EIF4ENIF1: variants seen among roughly 807,000 people sequenced by gnomAD.
EIF4ENIF1 encodes eukaryotic translation initiation factor 4E nuclear import factor 1.
In EIF4ENIF1, 23 loss-of-function variants were observed where a neutral mutation model predicts 110.5. That is an observed-to-expected ratio of 0.21 (90% CI 0.15 to 0.29). The LOEUF (loss-of-function observed/expected upper bound fraction) is 0.29, where lower values mean the gene tolerates loss of function less well. Ranked by LOEUF, EIF4ENIF1 falls within the 10% of genes least tolerant of loss-of-function variation. The pLI is 1.00. For synonymous variants in EIF4ENIF1, 440 were observed against 437.0 expected (o/e 1.01, Z -0.09); for missense variants, 1,031 against 1,221.1 (o/e 0.84, Z 2.32).
chr22:31,443,418 T>TTCTGCGAAA, intron 15 of EIF4ENIF1: 1 of 57,098 alleles, frequency 1.8e-5, no homozygotes, highest in Non-Finnish European at 3.0e-5. Context: ...CAGACCTTCC[T>TTCTGCGAAA]TGACATTTCA....
chr22:31,470,280 T>A (rs1393540049), intron 3 of EIF4ENIF1, among the ~76,000 whole-genome samples: 1 of 151,164 alleles, frequency 6.6e-6, no homozygotes, highest in Non-Finnish European at 1.5e-5. Flanking sequence ...TTTTTTGTTG[T>A]TGTTGTTTTG....
At chr22:31,490,305 C>T (rs568019980), upstream of EIF4ENIF1, among the ~76,000 whole-genome samples, 88 of 152,346 alleles carry the variant, frequency 5.8e-4, 1 homozygote, top group South Asian at 0.017. Flanking sequence ...CGTGGGGCTT[C>T]GGCAGTGGGA....
Position 31,482,723 on chromosome 22 carries a change from G to A in EIF4ENIF1, c.96+5900C>T, listed in dbSNP as rs147861303. 9.8e-3 allele frequency among the ~76,000 whole-genome samples: 1,475 copies of A among 150,560 alleles called. 7 individuals carry two copies. The highest frequency in any genetic ancestry group is 0.033 in the Middle Eastern group (9 of 276). On this transcript the variant is annotated intron_variant, in intron 2 of 18. Transcript: ENST00000330125. ...AAACAGATTAGTCTATTCACTTGACGAAAATAACATGGATGTGAGGCCAGG... is the reference window on the plus strand; with the variant it reads ...AAACAGATTAGTCTATTCACTTGACAAAAATAACATGGATGTGAGGCCAGG...
intron 4 of EIF4ENIF1, 74 bp downstream of exon 4, chr22:31,468,101 C>T: frequency 6.4e-7 from 1 of 1,566,310 alleles, no homozygotes; most frequent in East Asian, 2.3e-5. Context: ...ATTCTCAGAG[C>T]TAAGAATGAA....
In EIF4ENIF1 at chr22:31,455,123, C is replaced by T; in HGVS notation, c.1279+13G>A. 2 of 1,601,164 alleles carry T rather than the reference C, an allele frequency of 1.2e-6. No individual in the cohort carries two copies. Reference sequence around the variant, plus strand: ...TTTTCAGATATCTAAAACAGATATTCATAAACACTTACAGCTTTCTTTAAG... The same window carrying T: ...TTTTCAGATATCTAAAACAGATATTTATAAACACTTACAGCTTTCTTTAAG... On this transcript the variant is annotated intron_variant, in intron 9 of 18. Coordinates refer to ENST00000330125, the MANE Select transcript of EIF4ENIF1 (RefSeq NM_019843.4).
chr22:31,452,178 A>G (rs1018868814), intron 10 of EIF4ENIF1, among the ~76,000 whole-genome samples: 2 of 152,228 alleles, frequency 1.3e-5, no homozygotes, highest in African/African-American at 4.8e-5. Context: ...GACAACCTAA[A>G]TGGATGGAGG....
At position 31,443,003 on chromosome 22, in the gene EIF4ENIF1, G is replaced by A; in HGVS notation, c.2165C>T (p.Ala722Val). 6.2e-7 allele frequency: 1 copy of A among 1,614,120 alleles called. No individual in the cohort carries two copies. Among genetic ancestry groups the A allele is most frequent in the Non-Finnish European group, 8.5e-7 (1 of 1,179,996 alleles). The change falls in exon 16 of 19, where the codon GCT (alanine) becomes GTT (valine). Residue 722 changes from alanine (A) to valine (V), a missense_variant. Physicochemically the swap from Ala to Val is moderately conservative, Grantham distance 64. Around this residue, in one of 3 missense-constraint regions of EIF4ENIF1, gnomAD observed 309 missense variants for 299.1 expected, o/e 1.03. Coordinates refer to ENST00000330125, the MANE Select transcript of EIF4ENIF1 (RefSeq NM_019843.4). ...SKEEPASGKAALGDSKEDTQK... is the reference protein window; with the variant it reads ...SKEEPASGKAVLGDSKEDTQK... ...AGTATCCTCTTTACTGTCACCAAGA[G>A]CTGCTTTTCCAGATGCTGGCTCCTC...
In EIF4ENIF1 at chr22:31,458,652, T is replaced by G. The variant is rs759003351; in HGVS notation, c.788-2A>C. The G allele has an allele frequency of 6.4e-6, 10 of 1,570,692 alleles. No homozygotes were observed. In the African/African-American group the frequency reaches 1.4e-4, roughly 21 times the overall value. ...CTCCTCCATTGCACTCTACTATACC[T>G]GAAAGCAAAACCAGGACAAAAACCG... is the stretch of plus-strand genomic sequence containing the variant. On this transcript the variant is annotated splice_acceptor_variant, in intron 6 of 18. Coordinates refer to ENST00000330125, the MANE Select transcript of EIF4ENIF1 (RefSeq NM_019843.4). LOFTEE classifies it high-confidence loss of function.
At chr22:31,487,645 C>T (rs1314415381) in intron 2 of EIF4ENIF1, among the ~76,000 whole-genome samples, 1 of 151,996 alleles carries the variant, frequency 6.6e-6, no homozygotes, top group Non-Finnish European at 1.5e-5. Flanking sequence ...CAAAAATTAG[C>T]CGAGCGTACT....
intron 17 of EIF4ENIF1, 124 bp downstream of exon 17, chr22:31,441,650 A>T: frequency 1.2e-6 from 1 of 833,320 alleles, no homozygotes; most frequent in Middle Eastern, 3.3e-4. Context: ...TGCCAGTTAG[A>T]TGGGAGAATC....
rs764233977 is a variant in EIF4ENIF1, at chr22:31,440,852, C to G, written c.2568G>C (p.Gly856=). Residue 856 remains glycine (G), a synonymous_variant, in exon 18 of 19, where the codon GGG becomes GGC. Coordinates refer to ENST00000330125, the MANE Select transcript of EIF4ENIF1 (RefSeq NM_019843.4). Reference sequence around the variant, plus strand: ...TTCCCTGTAAATGACTCAAGTCCATCCCAGGAGGAAGCACACCTGTTGAGC... The same window carrying G: ...TTCCCTGTAAATGACTCAAGTCCATGCCAGGAGGAAGCACACCTGTTGAGC... ...SLLQTGVLPP[G]MDLSHLQGIS... is the part of the protein sequence containing the mutation. 37 of 1,613,868 alleles carry G rather than the reference C, an allele frequency of 2.3e-5. No individual in the cohort carries two copies. Among genetic ancestry groups the G allele is most frequent in the Non-Finnish European group, 2.7e-5 (32 of 1,179,882 alleles).
intron 1 of EIF4ENIF1, 74 bp from the exon 2 acceptor site, chr22:31,488,819 G>A (rs1050765720): frequency 2.9e-4 from 429 of 1,484,720 alleles, no homozygotes; most frequent in Non-Finnish European, 3.5e-4. Flanking sequence ...TTCTTCAGAA[G>A]CTGAAACTTT....
chr22:31,454,956 G>GT (rs2145948533), intron 9 of EIF4ENIF1, among the ~76,000 whole-genome samples, 180 bp downstream of exon 9: 1 of 152,264 alleles, frequency 6.6e-6, no homozygotes, highest in South Asian at 2.1e-4. Context: ...ATGACCCACT[G>GT]TGAGATTCTC....
At chr22:31,440,662 CT>C (rs756331063) in intron 18 of EIF4ENIF1, 41 bp downstream of exon 18, 1 of 1,596,386 alleles carries the variant, frequency 6.3e-7, no homozygotes, top group South Asian at 1.1e-5. Context: ...TCAAGACTCC[CT>C]AAGTCCGTCC....
At chr22:31,482,500 G>C (rs989397292) in intron 2 of EIF4ENIF1, among the ~76,000 whole-genome samples, 1 of 152,098 alleles carries the variant, frequency 6.6e-6, no homozygotes, top group South Asian at 2.1e-4. Flanking sequence ...TTACCAATAT[G>C]GTGAAACCCC....
At position 31,458,495 on chromosome 22, in the gene EIF4ENIF1, T is replaced by C; in HGVS notation, c.943A>G (p.Lys315Glu). The change falls in exon 7 of 19, where the codon AAG becomes GAG. Residue 315 changes from lysine (K) to glutamate (E), a missense_variant. Lys to Glu is a moderately conservative substitution (Grantham distance 56). This residue lies in a region of EIF4ENIF1 where 704 missense variants were observed against 879.7 expected (regional missense o/e 0.80). Coordinates refer to ENST00000330125, the MANE Select transcript of EIF4ENIF1 (RefSeq NM_019843.4). ...FDFNEFFNLD[K>E]VPCLASMIED... ...CTCACCGAAGCCAAGCATGGCACCT[T>C]ATCAAGGTTAAAGAACTCATTAAAG... 1.2e-6 allele frequency: 2 copies of C among 1,600,464 alleles called. No individual in the cohort carries two copies. The highest frequency in any genetic ancestry group is 1.7e-6 in the Non-Finnish European group (2 of 1,170,102).
At chr22:31,476,803 T>G (rs546735859) in intron 2 of EIF4ENIF1, among the ~76,000 whole-genome samples, 2 of 151,202 alleles carry the variant, frequency 1.3e-5, no homozygotes, top group South Asian at 2.1e-4. Flanking sequence ...ACCACTGCAC[T>G]CCAGCCTGGA....
chr22:31,492,829 T>G (rs2052296291), upstream of EIF4ENIF1, among the ~76,000 whole-genome samples: 1 of 152,094 alleles, frequency 6.6e-6, no homozygotes, highest in Admixed American at 6.5e-5. Flanking sequence ...CCTCCCAGGT[T>G]CAAGTGATTC....
intron 2 of EIF4ENIF1, among the ~76,000 whole-genome samples, chr22:31,472,130 T>C (rs2051401335): frequency 6.6e-6 from 1 of 152,224 alleles, no homozygotes; most frequent in African/African-American, 2.4e-5. Flanking sequence ...AGTTTCTGGC[T>C]AAAACAATCT....
Sources: gnomAD v4.1 joint callset for allele counts (sites outside exome capture counted in the v4.1 genomes callset) on GRCh38, gnomAD v4.1.1 for gene constraint, gnomAD v4.1.1 regional missense constraint, MANE v1.5 for transcripts, NCBI Gene and HGNC (gene_info 2026-07-23, HGNC 2026-07-21) for gene names.